ADAMTS18: variants seen among roughly 807,000 people sequenced by gnomAD.
The protein encoded by ADAMTS18 is ADAM metallopeptidase with thrombospondin type 1 motif 18, also known as A disintegrin and metalloproteinase with thrombospondin motifs 18.
Under a neutral mutation model 165.9 loss-of-function variants are expected in ADAMTS18, and 157 were observed. That is an observed-to-expected ratio of 0.95 (90% CI 0.83 to 1.08). The LOEUF is 1.08. Ranked by LOEUF, ADAMTS18 falls within the 50% of genes least tolerant of loss-of-function variation. The pLI, the probability that ADAMTS18 is intolerant of heterozygous loss-of-function variation, is 0.00. For missense variants in ADAMTS18, 2,040 were observed against 1,534.0 expected, an observed-to-expected ratio of 1.33 and a Z score of -5.51; for synonymous variants, 782 against 578.2, an observed-to-expected ratio of 1.35 and a Z score of -5.06.
At chr16:77,324,483 T>A (rs898031021) in intron 13 of ADAMTS18, among the ~76,000 whole-genome samples, 24 of 152,240 alleles carry the variant, frequency 1.6e-4, no homozygotes, top group African/African-American at 5.8e-4. Flanking sequence ...CCAAGTGCTG[T>A]TCTTGGATGC....
At chr16:77,287,509 C>CA (rs1479278621) in intron 22 of ADAMTS18, among the ~76,000 whole-genome samples, 1 of 151,938 alleles carries the variant, frequency 6.6e-6, no homozygotes. Flanking sequence ...GACAGGGTCT[C>CA]AAAAAAAGCC....
At chr16:77,410,574 G>A (rs12932253) in intron 3 of ADAMTS18, among the ~76,000 whole-genome samples, 20,919 of 152,040 alleles carry the variant, frequency 0.14, 1,475 homozygotes, top group East Asian at 0.2. Flanking sequence ...GCCTAGAAAC[G>A]GGAAATAATT....
intron 3 of ADAMTS18, among the ~76,000 whole-genome samples, chr16:77,373,382 A>G (rs1166924212): frequency 1.3e-5 from 2 of 151,326 alleles, no homozygotes; most frequent in Non-Finnish European, 3.0e-5. Flanking sequence ...TCGCTTGAAC[A>G]CGGGAGGCGG....
chr16:77,421,631 T>C (rs921198735), intron 3 of ADAMTS18, among the ~76,000 whole-genome samples: 1 of 152,208 alleles, frequency 6.6e-6, no homozygotes, highest in Non-Finnish European at 1.5e-5. Flanking sequence ...CTTTGCATGT[T>C]ATACAAGCCA....
At chr16:77,343,999 G>T (rs1652128963) in intron 10 of ADAMTS18, among the ~76,000 whole-genome samples, 1 of 151,186 alleles carries the variant, frequency 6.6e-6, no homozygotes, top group Non-Finnish European at 1.5e-5. Flanking sequence ...TCCATTTCAT[G>T]TAGATTTTAC....
chr16:77,425,334 G>T (rs1307735784), intron 3 of ADAMTS18, among the ~76,000 whole-genome samples: 2 of 152,176 alleles, frequency 1.3e-5, no homozygotes, highest in Non-Finnish European at 2.9e-5. Flanking sequence ...GCTGGAGGGA[G>T]TTCTCATGGC....
At chr16:77,290,102 T>C (rs887800966) in intron 21 of ADAMTS18, among the ~76,000 whole-genome samples, 4 of 152,224 alleles carry the variant, frequency 2.6e-5, no homozygotes, top group Non-Finnish European at 4.4e-5. Context: ...AATGTACATA[T>C]GCATTATAAT....
At chr16:77,432,754 C>T (rs1042486137) in intron 2 of ADAMTS18, among the ~76,000 whole-genome samples, 1 of 144,304 alleles carries the variant, frequency 6.9e-6, no homozygotes, top group Admixed American at 7.0e-5. Flanking sequence ...AGTCAACAAC[C>T]TTCCCCCTCC....
At chr16:77,318,616 C>T (rs1005430864) in intron 16 of ADAMTS18, among the ~76,000 whole-genome samples, 1 of 152,170 alleles carries the variant, frequency 6.6e-6, no homozygotes, top group Non-Finnish European at 1.5e-5. Context: ...ATAACAGTTA[C>T]ACTGATCCTG....
chr16:77,293,678 T>G (rs2055411822), intron 19 of ADAMTS18, among the ~76,000 whole-genome samples: 1 of 151,270 alleles, frequency 6.6e-6, no homozygotes, highest in African/African-American at 2.4e-5. Context: ...ACACTGTATT[T>G]CCATGGACGG....
At position 77,367,699 on chromosome 16, in the gene ADAMTS18, T is replaced by G. The variant is rs1391548833; in HGVS notation, c.520A>C (p.Asn174His). 3 of 1,614,054 alleles carry G rather than the reference T, an allele frequency of 1.9e-6. No homozygotes were observed. Among genetic ancestry groups the G allele is most frequent in the Admixed American group, 1.7e-5 (1 of 60,006 alleles). The change falls in exon 4 of 23, where the codon AAT becomes CAT. Residue 174 changes from asparagine to histidine, a missense_variant. Coordinates refer to ENST00000282849, the MANE Select transcript of ADAMTS18 (RefSeq NM_199355.4). ...GLSGLIRTRK[N>H]EFLISPLPQL... ...GGTAATGGCGAGATGAGGAATTCAT[T>G]TTTTCGTGTCCTTATTAAACCTGAC...
chr16:77,398,552 C>T (rs1372707715), intron 3 of ADAMTS18, among the ~76,000 whole-genome samples: 5 of 152,134 alleles, frequency 3.3e-5, no homozygotes, highest in Non-Finnish European at 5.9e-5. Context: ...ACTTTGGTAA[C>T]GACCATTTTA....
At chr16:77,386,237 G>T (rs2057105710) in intron 3 of ADAMTS18, among the ~76,000 whole-genome samples, 2 of 152,066 alleles carry the variant, frequency 1.3e-5, no homozygotes, top group South Asian at 2.1e-4. Flanking sequence ...CCAGTTAAGG[G>T]GCTCAGAGCT....
At chr16:77,375,769 G>C (rs2056941425) in intron 3 of ADAMTS18, among the ~76,000 whole-genome samples, 1 of 152,162 alleles carries the variant, frequency 6.6e-6, no homozygotes. Context: ...AAGAAAAGAG[G>C]TATAATTGGC....
chr16:77,406,653 C>A (rs569668961), intron 3 of ADAMTS18, among the ~76,000 whole-genome samples: 1 of 151,996 alleles, frequency 6.6e-6, no homozygotes, highest in Non-Finnish European at 1.5e-5. Context: ...AAAAGACACA[C>A]GCACTCATAT....
At chr16:77,289,161 C>A in intron 22 of ADAMTS18, 103 bp downstream of exon 22, 2 of 1,459,332 alleles carry the variant, frequency 1.4e-6, no homozygotes, top group Admixed American at 1.7e-5. Flanking sequence ...GAATGGCTTA[C>A]CCTAGAGTTG....
chr16:77,291,048 ACT>A, intron 21 of ADAMTS18: 1 of 520,596 alleles, frequency 1.9e-6, no homozygotes, highest in Non-Finnish European at 3.4e-6. Flanking sequence ...AAACAAATCA[ACT>A]CTCCCAGATA....
intron 3 of ADAMTS18, among the ~76,000 whole-genome samples, chr16:77,400,153 C>T (rs2144807437): frequency 6.6e-6 from 1 of 152,310 alleles, no homozygotes; most frequent in African/African-American, 2.4e-5. Context: ...AGAAGACCTC[C>T]ATGGTCTTAT....
intron 17 of ADAMTS18, among the ~76,000 whole-genome samples, chr16:77,299,025 T>C (rs1343517051): frequency 6.6e-6 from 1 of 152,200 alleles, no homozygotes; most frequent in Non-Finnish European, 1.5e-5. Flanking sequence ...CAAACTTCTC[T>C]CCTTCCCAAG....
Sources: allele counts gnomAD v4.1 joint callset (sites outside exome capture counted in the v4.1 genomes callset), GRCh38; gene constraint gnomAD v4.1.1; transcripts MANE v1.5; gene names NCBI Gene and HGNC (gene_info 2026-07-23, HGNC 2026-07-21).